ATP13A1: variants seen among roughly 807,000 people sequenced by gnomAD.
The protein encoded by ATP13A1 is ATPase 13A1, also known as endoplasmic reticulum transmembrane helix translocase.
Under a neutral mutation model 134.8 loss-of-function variants are expected in ATP13A1, and 55 were observed. The observed-to-expected ratio is 0.41, with a 90% CI of 0.33 to 0.51. The LOEUF is 0.51. ATP13A1 is among the 20% of genes least tolerant of loss of function. ATP13A1 has a pLI of 0.29. For missense variants in ATP13A1, 1,389 were observed against 1,652.8 expected, an observed-to-expected ratio of 0.84 and a Z score of 2.77; for synonymous variants, 775 against 725.1, an observed-to-expected ratio of 1.07 and a Z score of -1.10.
chr19:19,651,575 GCATT>G (rs1291997564), intron 17 of ATP13A1, 110 bp downstream of exon 17: 1 of 730,048 alleles, frequency 1.4e-6, no homozygotes, highest in Non-Finnish European at 2.2e-6. Flanking sequence ...GTGGTGCCAG[GCATT>G]TGAAGACACT....
chr19:19,654,922 T>C (rs1436531328), intron 12 of ATP13A1, among the ~76,000 whole-genome samples, 197 bp downstream of exon 12: 1 of 152,160 alleles, frequency 6.6e-6, no homozygotes, highest in East Asian at 1.9e-4. Context: ...TGTGGGATGT[T>C]CCAGGCCTGA....
At chr19:19,652,404 G>A (rs1422127565) in intron 16 of ATP13A1, among the ~76,000 whole-genome samples, 191 bp downstream of exon 16, 14 of 152,334 alleles carry the variant, frequency 9.2e-5, no homozygotes, top group Admixed American at 9.2e-4. Context: ...GTGGAGGAGA[G>A]AGGAGCCAGC....
chr19:19,647,411 C>T lies in ATP13A1; in HGVS notation c.2908+3G>A, dbSNP rs2061993273. On this transcript the variant is annotated splice_donor_region_variant and intron_variant, in intron 21 of 25. Transcript: ENST00000357324. The surrounding 1 kb of genome is among the most constrained non-coding windows in gnomAD (Gnocchi z 4.8). Reference sequence around the variant, plus strand: ...GGAGGGGGAGCGGGGGCAGGCAACTCACTGCACTGGATGGATGAGAGCTTG... The same window carrying T: ...GGAGGGGGAGCGGGGGCAGGCAACTTACTGCACTGGATGGATGAGAGCTTG... 6.2e-7 allele frequency: 1 copy of T among 1,611,886 alleles called. No individual in the cohort carries two copies. The highest frequency in any genetic ancestry group is 8.5e-7 in the Non-Finnish European group (1 of 1,178,860).
chr19:19,662,448 G>A (rs949822966), intron 1 of ATP13A1: 8 of 846,084 alleles, frequency 9.5e-6, no homozygotes, highest in African/African-American at 1.8e-5. Flanking sequence ...AATCAGAGGG[G>A]AAGCTTCCTG....
In ATP13A1 at chr19:19,649,938, G is replaced by T; in HGVS notation, c.2338C>A (p.Arg780=). Residue 780 remains arginine, a splice_region_variant and synonymous_variant, in exon 18 of 26, where the codon CGG becomes AGG. Coordinates refer to ENST00000357324, the MANE Select transcript of ATP13A1 (RefSeq NM_020410.3). ...LILQPPSEKG[R]QCEWRSIDGS... ...TCAATGGAGCGCCACTCGCACTGCC[G>T]GCCTGCGGGCAGCACCTAGGGTTAG... 6.3e-7 allele frequency: 1 copy of T among 1,587,294 alleles called. No individual in the cohort carries two copies. The highest frequency in any genetic ancestry group is 8.5e-7 in the Non-Finnish European group (1 of 1,175,198).
rs1568428536 is a variant in ATP13A1, at chr19:19,655,528, C to A, written c.1396G>T (p.Gly466Cys). ...IAAAAYVWIE[G>C]TKDPSRNRYK... ...GGACCACAGAGGCCGTGGCGCTTACCTTCAATCCATACATAGGCAGCTGCA... is the reference window on the plus strand; with the variant it reads ...GGACCACAGAGGCCGTGGCGCTTACATTCAATCCATACATAGGCAGCTGCA... The change falls in exon 10 of 26, where the codon GGT (glycine) becomes TGT (cysteine). Residue 466 changes from glycine (G) to cysteine (C), a missense_variant and splice_region_variant. By Grantham distance (159) the Gly-to-Cys change is radical. Coordinates refer to ENST00000357324, the MANE Select transcript of ATP13A1 (RefSeq NM_020410.3). This position sits in a 1 kb window ranked among gnomAD's most constrained non-coding sequence, Gnocchi z 5.7. 6.2e-7 allele frequency: 1 copy of A among 1,613,976 alleles called. No individual in the cohort carries two copies.
Position 19,653,757 on chromosome 19 carries a change from G to T in ATP13A1, c.2100+27C>A. ...GGAGCTGACGGGCCAGGCACATGGT[G>T]AAGGCAGGGGGAGCCTGGGCCCGTA... is the stretch of plus-strand genomic sequence containing the variant. On this transcript the variant is annotated intron_variant, in intron 15 of 25. Transcript: ENST00000357324. This position sits in a 1 kb window ranked among gnomAD's most constrained non-coding sequence, Gnocchi z 4.2. The T allele has an allele frequency of 2.0e-6, 3 of 1,523,336 alleles. No individual in the cohort carries two copies. The highest frequency in any genetic ancestry group is 2.7e-6 in the Non-Finnish European group (3 of 1,123,072). 94.4% of individuals were successfully genotyped at this position (1,523,336 alleles called of 1,614,324 possible). A position where few individuals can be genotyped will look rare whatever the true frequency, so the allele number is the denominator to read the frequency against.
rs748547065 is a variant in ATP13A1, at chr19:19,653,856, G to A, written c.2028C>T (p.Thr676=). ...CGCGGGCTCCTTCCCGGGAGATCTCGGTGTGGATGTGGTGGTAGTCGGGCG... is the reference window on the plus strand; with the variant it reads ...CGCGGGCTCCTTCCCGGGAGATCTCAGTGTGGATGTGGTGGTAGTCGGGCG... The part of the protein sequence containing the change: ...QCPPDYHHIH[T]EISREGARVL... Residue 676 remains threonine, a synonymous_variant, in exon 15 of 26, where the codon ACC becomes ACT. Coordinates refer to ENST00000357324, the MANE Select transcript of ATP13A1 (RefSeq NM_020410.3). This position sits in a 1 kb window ranked among gnomAD's most constrained non-coding sequence, Gnocchi z 4.2. 22 of 1,566,872 alleles carry A rather than the reference G, an allele frequency of 1.4e-5. 1 individual carries two copies. Among genetic ancestry groups the A allele is most frequent in the East Asian group, 1.2e-4 (5 of 42,174 alleles).
rs1272755503 is a variant in ATP13A1 at position 19,647,341 on chromosome 19, G to A, written c.2909-16C>T. The A allele has an allele frequency of 1.2e-6, 2 of 1,611,446 alleles. No individual in the cohort carries two copies. Among genetic ancestry groups the A allele is most frequent in the East Asian group, 2.2e-5 (1 of 44,838 alleles). On this transcript the variant is annotated splice_polypyrimidine_tract_variant and intron_variant, in intron 21 of 25. Coordinates refer to ENST00000357324, the MANE Select transcript of ATP13A1 (RefSeq NM_020410.3). The surrounding 1 kb of genome is among the most constrained non-coding windows in gnomAD (Gnocchi z 4.8). Reference sequence around the variant, plus strand: ...ACGTGGCAGACTGCAGGGTGGTGGGGAGGCAGGTGTGGGTGTGGGTAGGGG... The same window carrying A: ...ACGTGGCAGACTGCAGGGTGGTGGGAAGGCAGGTGTGGGTGTGGGTAGGGG...
chr19:19,647,387 G>C lies in ATP13A1; in HGVS notation c.2908+27C>G, dbSNP rs371387308. 2 of 1,605,636 alleles carry C rather than the reference G, an allele frequency of 1.2e-6. No individual in the cohort carries two copies. The highest frequency in any genetic ancestry group is 2.7e-5 in the African/African-American group (2 of 74,792). ...AGGGGTGCCAAGGGGGGAATGAAGG[G>C]AGGGGGAGCGGGGGCAGGCAACTCA... On this transcript the variant is annotated intron_variant, in intron 21 of 25. Coordinates refer to ENST00000357324, the MANE Select transcript of ATP13A1 (RefSeq NM_020410.3). The surrounding 1 kb of genome is among the most constrained non-coding windows in gnomAD (Gnocchi z 4.8).
rs767920985 is a variant in ATP13A1, at chr19:19,655,907, C to T, written c.1240G>A (p.Val414Ile). 1.1e-5 allele frequency: 17 copies of T among 1,598,116 alleles called. No homozygotes were observed. The highest frequency in any genetic ancestry group is 2.2e-5 in the South Asian group (2 of 89,432). Reference sequence around the variant, plus strand: ...GATGTGTTGAATCCGGTCCGCAGGACGTAGGCCACGCACCCGCTGTCAACC... The same window carrying T: ...GATGTGTTGAATCCGGTCCGCAGGATGTAGGCCACGCACCCGCTGTCAACC... ...KPVDSGCVAYVLRTGFNTSQG... is the reference protein window; with the variant it reads ...KPVDSGCVAYILRTGFNTSQG... Residue 414 changes from valine to isoleucine, a missense_variant, in exon 9 of 26, where the codon GTC (valine) becomes ATC (isoleucine). Val to Ile is a conservative substitution (Grantham distance 29, BLOSUM62 3). Around this residue, in one of 4 missense-constraint regions of ATP13A1, gnomAD observed 747 missense variants for 956.1 expected, o/e 0.78. Transcript: ENST00000357324. This position sits in a 1 kb window ranked among gnomAD's most constrained non-coding sequence, Gnocchi z 5.7.
chr19:19,649,654 T>C lies in ATP13A1; in HGVS notation c.2545A>G (p.Ile849Val), dbSNP rs766105625. ...TAGCCCAGCTCCTTCAGGCTGGTGA[T>C]GACAAACTCCTGTATGGGCGGAGAC... Reference protein sequence around the residue: ...RVAPKQKEFVITSLKELGYVT... With the variant: ...RVAPKQKEFVVTSLKELGYVT... Residue 849 changes from isoleucine to valine, a missense_variant, in exon 19 of 26, where the codon ATC becomes GTC. Ile to Val is a conservative substitution (Grantham distance 29). This residue lies in a region of ATP13A1 where 747 missense variants were observed against 956.1 expected (regional missense o/e 0.78). Coordinates refer to ENST00000357324, the MANE Select transcript of ATP13A1 (RefSeq NM_020410.3). 1.7e-5 allele frequency: 28 copies of C among 1,613,828 alleles called. No homozygotes were observed. Among genetic ancestry groups the C allele is most frequent in the African/African-American group, 5.3e-5 (4 of 74,930 alleles).
Position 19,651,722 on chromosome 19 carries a change from G to A in ATP13A1, c.2302C>T (p.His768Tyr), listed in dbSNP as rs1328187420. The change falls in exon 17 of 26, where the codon CAC (histidine) becomes TAC (tyrosine). Residue 768 changes from histidine (H) to tyrosine (Y), a missense_variant. Coordinates refer to ENST00000357324, the MANE Select transcript of ATP13A1 (RefSeq NM_020410.3). ...AQELHFIEKA[H>Y]TLILQPPSEK... is the part of the protein sequence containing the mutation. Reference sequence around the variant, plus strand: ...GAGGGAGGCTGCAGGATCAGCGTGTGGGCCTTTTCAATGAAGTGCAGCTCC... The same window carrying A: ...GAGGGAGGCTGCAGGATCAGCGTGTAGGCCTTTTCAATGAAGTGCAGCTCC... 1.2e-6 allele frequency: 2 copies of A among 1,613,298 alleles called. No homozygotes were observed. The highest frequency in any genetic ancestry group is 1.3e-5 in the African/African-American group (1 of 74,844).
chr19:19,649,890 C>G lies in ATP13A1; in HGVS notation c.2386G>C (p.Ala796Pro). The G allele has an allele frequency of 6.2e-7, 1 of 1,600,916 alleles. No individual in the cohort carries two copies. The highest frequency in any genetic ancestry group is 8.5e-7 in the Non-Finnish European group (1 of 1,179,524). Residue 796 changes from alanine to proline, a missense_variant, in exon 18 of 26, where the codon GCC becomes CCC. Ala to Pro is a conservative substitution (Grantham distance 27). Around this residue, in one of 4 missense-constraint regions of ATP13A1, gnomAD observed 747 missense variants for 956.1 expected, o/e 0.78. Transcript: ENST00000357324. ...SIDGSIVLPL[A>P]RGSPKALALE... is the part of the protein sequence containing the mutation. Reference sequence around the variant, plus strand: ...GCCAGTGCCTTTGGGGAGCCCCGGGCCAGGGGCAGCACGATGCTGCCGTCA... The same window carrying G: ...GCCAGTGCCTTTGGGGAGCCCCGGGGCAGGGGCAGCACGATGCTGCCGTCA...
chr19:19,656,451 C>T lies in ATP13A1; in HGVS notation c.1083+209G>A, dbSNP rs992416328. 5.3e-5 allele frequency among the ~76,000 whole-genome samples: 8 copies of T among 152,140 alleles called. No homozygotes were observed. The highest frequency in any genetic ancestry group is 4.6e-4 in the Admixed American group (7 of 15,284). ...CTCCCAGCCCACCTTGGTCTGACAT[C>T]CCAGGGCACCAATGTACCCTGGATG... is the stretch of plus-strand genomic sequence containing the variant. On this transcript the variant is annotated intron_variant, in intron 7 of 25. Coordinates refer to ENST00000357324, the MANE Select transcript of ATP13A1 (RefSeq NM_020410.3). This position sits in a 1 kb window ranked among gnomAD's most constrained non-coding sequence, Gnocchi z 4.6.
Position 19,655,991 on chromosome 19 carries a change from A to G in ATP13A1, c.1214-58T>C. The G allele has an allele frequency of 3.1e-6, 5 of 1,610,978 alleles. No individual in the cohort carries two copies. The highest frequency in any genetic ancestry group is 4.2e-6 in the Non-Finnish European group (5 of 1,179,324). On this transcript the variant is annotated intron_variant, in intron 8 of 25. Transcript: ENST00000357324. This position sits in a 1 kb window ranked among gnomAD's most constrained non-coding sequence, Gnocchi z 5.7. Reference sequence around the variant, plus strand: ...GTCTCCTCGTCCTGACTCCCTCATGATCAAGCAGACGGGCAAAGGGGGTGG... The same window carrying G: ...GTCTCCTCGTCCTGACTCCCTCATGGTCAAGCAGACGGGCAAAGGGGGTGG...
intron 17 of ATP13A1, chr19:19,650,309 C>T (rs1458256566): frequency 3.7e-6 from 1 of 268,302 alleles, no homozygotes; most frequent in African/African-American, 2.2e-5. Context: ...GCCCTCACCT[C>T]ATTTATCCCT....
At position 19,654,592 on chromosome 19, in the gene ATP13A1, G is replaced by A. The variant is rs762451945; in HGVS notation, c.1764C>T (p.Asp588=). 2.0e-5 allele frequency: 32 copies of A among 1,613,178 alleles called. No homozygotes were observed. The highest frequency in any genetic ancestry group is 2.2e-5 in the East Asian group (1 of 44,882). ...MQLDDGTLVG[D]PLEKAMLTAV... ...CCGTCAGCATGGCCTTCTCTAGAGG[G>A]TCACCCACGAGGGTGCCGTCGTCCA... Residue 588 remains aspartate (D), a synonymous_variant, in exon 13 of 26, where the codon GAC becomes GAT. Transcript: ENST00000357324.
intron 22 of ATP13A1, chr19:19,646,820 G>A (rs917920659): frequency 4.2e-5 from 19 of 449,078 alleles, no homozygotes; most frequent in Non-Finnish European, 6.8e-5. Context: ...CCTGTCCTGT[G>A]TAGCCTATGA....
Sources: allele counts gnomAD v4.1 joint callset (sites outside exome capture counted in the v4.1 genomes callset), GRCh38; gene constraint gnomAD v4.1.1; regional missense constraint gnomAD v4.1.1; non-coding constraint Gnocchi (gnomAD v3.1); transcripts MANE v1.5; gene names NCBI Gene and HGNC (gene_info 2026-07-23, HGNC 2026-07-21).